The following KCNJ16 variants were observed in gnomAD, a reference collection of about 807,000 sequenced individuals.
KCNJ16 encodes inward rectifier potassium channel 16.
In KCNJ16, 15 loss-of-function variants were observed where a neutral mutation model predicts 18.5. That is an observed-to-expected ratio of 0.81 (90% CI 0.54 to 1.25). The LOEUF is 1.25. KCNJ16 is among the 50% of genes most tolerant of loss of function. The pLI is 0.00. For synonymous variants in KCNJ16, 174 were observed against 186.5 expected (o/e 0.93, Z 0.55); for missense variants, 523 against 525.7 (o/e 0.99, Z 0.05).
intron 1 of KCNJ16, among the ~76,000 whole-genome samples, chr17:70,085,514 A>G (rs1202743061): frequency 6.6e-6 from 1 of 152,146 alleles, no homozygotes; most frequent in Non-Finnish European, 1.5e-5. Flanking sequence ...CCATAAATTC[A>G]TATCTGTGTT....
intron 1 of KCNJ16, among the ~76,000 whole-genome samples, chr17:70,080,172 T>C (rs148743586): frequency 4.6e-5 from 7 of 152,292 alleles, no homozygotes; most frequent in African/African-American, 1.7e-4. Context: ...CCATATCATA[T>C]ATTTTGGCTG....
chr17:70,096,783 T>C (rs906193168), intron 1 of KCNJ16: 4 of 388,840 alleles, frequency 1.0e-5, no homozygotes, highest in African/African-American at 8.3e-5. Context: ...GATATTAGAG[T>C]TTCTGCCTCA....
intron 1 of KCNJ16, among the ~76,000 whole-genome samples, chr17:70,076,061 G>T (rs2071294011): frequency 6.6e-6 from 1 of 151,794 alleles, no homozygotes; most frequent in African/African-American, 2.4e-5. Flanking sequence ...CTCTCTGGAT[G>T]CCACGAATTC....
intron 1 of KCNJ16, among the ~76,000 whole-genome samples, chr17:70,083,133 C>T (rs2071624908): frequency 6.6e-6 from 1 of 150,978 alleles, no homozygotes; most frequent in Admixed American, 6.6e-5. Flanking sequence ...CAGCTCACTG[C>T]AACCTCCACC....
intron 1 of KCNJ16, among the ~76,000 whole-genome samples, chr17:70,100,257 G>T (rs996246614): frequency 1.3e-5 from 2 of 152,180 alleles, no homozygotes; most frequent in African/African-American, 4.8e-5. Context: ...TAATGCCTAC[G>T]TGGTATTACA....
At chr17:70,088,131 A>G (rs955822892) in intron 1 of KCNJ16, among the ~76,000 whole-genome samples, 2 of 152,036 alleles carry the variant, frequency 1.3e-5, no homozygotes, top group Admixed American at 6.6e-5. Flanking sequence ...AATTGGATCA[A>G]CGATAGCTGT....
intron 2 of KCNJ16, among the ~76,000 whole-genome samples, chr17:70,109,379 A>G (rs1206603110): frequency 6.6e-6 from 1 of 152,150 alleles, no homozygotes; most frequent in Non-Finnish European, 1.5e-5. Context: ...TCTCTGGCTG[A>G]TAATTGTTAT....
intron 2 of KCNJ16, among the ~76,000 whole-genome samples, chr17:70,102,384 C>T (rs1340784188): frequency 6.6e-6 from 1 of 151,690 alleles, no homozygotes; most frequent in African/African-American, 2.4e-5. Flanking sequence ...TGCGCCACCA[C>T]GCCTGGCTAA....
chr17:70,135,341 A>T lies in KCNJ16; in HGVS notation c.*1997A>T, dbSNP rs1323287952. ...AATATTTTTAGCTTGTTTTACCTACATCTAGTTTCATTTCATCTTGCTTTG... is the reference window on the plus strand; with the variant it reads ...AATATTTTTAGCTTGTTTTACCTACTTCTAGTTTCATTTCATCTTGCTTTG... On this transcript the variant is annotated 3_prime_UTR_variant, in exon 4 of 4. Coordinates refer to ENST00000392671, the MANE Select transcript of KCNJ16 (RefSeq NM_170741.4). 1 of 167,052 alleles carries T rather than the reference A, an allele frequency of 6.0e-6. No individual in the cohort carries two copies. The highest frequency in any genetic ancestry group is 1.5e-5 in the Non-Finnish European group (1 of 68,110). The allele number at this position is 167,052 out of a possible 1,614,324, so 10.3% of individuals were successfully genotyped here. A position where few individuals can be genotyped will look rare whatever the true frequency, so the allele number is the denominator to read the frequency against.
chr17:70,135,111 A>C lies in KCNJ16; in HGVS notation c.*1767A>C, dbSNP rs1461117751. 6.0e-6 allele frequency: 1 copy of C among 165,518 alleles called. No homozygotes were observed. The highest frequency in any genetic ancestry group is 1.5e-5 in the Non-Finnish European group (1 of 68,008). 10.3% of individuals were successfully genotyped at this position (165,518 alleles called of 1,614,324 possible). The stretch of plus-strand genomic sequence containing the variant: ...TATGGATAAGAGATTTGTTCAGGTC[A>C]AAAGTTGCAAAACTGTTCTGAAGCT... On this transcript the variant is annotated 3_prime_UTR_variant, in exon 4 of 4. Transcript: ENST00000392671.
At chr17:70,090,964 A>T (rs2072062570) in intron 1 of KCNJ16, among the ~76,000 whole-genome samples, 1 of 146,040 alleles carries the variant, frequency 6.8e-6, no homozygotes, top group Non-Finnish European at 1.5e-5. Flanking sequence ...GTTTTGACTC[A>T]GCTTGATCTT....
At chr17:70,117,378 A>G (rs1488352875) in intron 2 of KCNJ16, among the ~76,000 whole-genome samples, 2 of 150,684 alleles carry the variant, frequency 1.3e-5, no homozygotes, top group African/African-American at 5.0e-5. Context: ...CACACAATAT[A>G]CCTGAACCAA....
At chr17:70,106,507 T>C (rs2072934080) in intron 2 of KCNJ16, among the ~76,000 whole-genome samples, 1 of 152,160 alleles carries the variant, frequency 6.6e-6, no homozygotes, top group Non-Finnish European at 1.5e-5. Context: ...ATAGCTAAGC[T>C]CTCAGTAATA....
At chr17:70,106,190 C>G (rs9890060) in intron 2 of KCNJ16, among the ~76,000 whole-genome samples, 1 of 151,958 alleles carries the variant, frequency 6.6e-6, no homozygotes, top group Non-Finnish European at 1.5e-5. Context: ...TGATCTGTCT[C>G]GTTGGCCTGA....
At position 70,135,007 on chromosome 17, in the gene KCNJ16, CTTTTT is replaced by C. The variant is rs34903097; in HGVS notation, c.*1675_*1679del. On this transcript the variant is annotated 3_prime_UTR_variant, in exon 4 of 4. Transcript: ENST00000392671. ...ATCCTTCCCTTTCTCCTTCTTTTCC[CTTTTT>C]TTTTTTTTTTTGACCTGGGAGTAAT... The C allele has an allele frequency of 2.2e-5, 3 of 137,040 alleles. No individual in the cohort carries two copies. Among genetic ancestry groups the C allele is most frequent in the Non-Finnish European group, 1.6e-5 (1 of 63,096 alleles). 8.5% of individuals were successfully genotyped at this position (137,040 alleles called of 1,614,324 possible).
intron 2 of KCNJ16, among the ~76,000 whole-genome samples, chr17:70,118,246 C>T (rs549950471): frequency 6.6e-6 from 1 of 151,866 alleles, no homozygotes; most frequent in Non-Finnish European, 1.5e-5. Flanking sequence ...ACATCACACA[C>T]TGGGGCCTGT....
chr17:70,116,807 A>G (rs2073426684), intron 2 of KCNJ16, among the ~76,000 whole-genome samples: 1 of 152,126 alleles, frequency 6.6e-6, no homozygotes, highest in Non-Finnish European at 1.5e-5. Context: ...AAAACAACAG[A>G]TGTTAGCGAG....
At chr17:70,094,169 A>G (rs1406520739) in intron 1 of KCNJ16, among the ~76,000 whole-genome samples, 1 of 152,226 alleles carries the variant, frequency 6.6e-6, no homozygotes, top group Non-Finnish European at 1.5e-5. Flanking sequence ...TATTTTCCAG[A>G]ATTCACAGCC....
intron 2 of KCNJ16, among the ~76,000 whole-genome samples, chr17:70,118,445 G>T (rs186120913): frequency 6.6e-6 from 1 of 151,944 alleles, no homozygotes; most frequent in East Asian, 1.9e-4. Flanking sequence ...ACAAATAAAT[G>T]CTGAAAAAAA....
Sources: gnomAD v4.1 joint callset for allele counts (sites outside exome capture counted in the v4.1 genomes callset) on GRCh38, gnomAD v4.1.1 for gene constraint, MANE v1.5 for transcripts, NCBI Gene and HGNC (gene_info 2026-07-23, HGNC 2026-07-21) for gene names.